ARL13B: variants seen among roughly 807,000 people sequenced by gnomAD.
ARL13B encodes the protein ARF like GTPase 13B.
A neutral mutation model predicts 56.1 loss-of-function variants in ARL13B; 36 were observed. That is an observed-to-expected ratio of 0.64 (90% CI 0.49 to 0.85). ARL13B has a LOEUF of 0.85. ARL13B is among the 40% of genes least tolerant of loss of function. The pLI, the probability that ARL13B is intolerant of heterozygous loss-of-function variation, is 0.00. For missense variants in ARL13B, 519 were observed against 507.1 expected, an observed-to-expected ratio of 1.02 and a Z score of -0.23; for synonymous variants, 178 against 171.1, an observed-to-expected ratio of 1.04 and a Z score of -0.32.
chr3:93,983,360 T>C (rs190618071), intron 1 of ARL13B, among the ~76,000 whole-genome samples: 2 of 152,338 alleles, frequency 1.3e-5, no homozygotes, highest in East Asian at 3.9e-4. Context: ...CCCCACTTAT[T>C]TGGGGTTTGG....
intron 7 of ARL13B, 122 bp downstream of exon 7, chr3:94,043,362 G>A (rs1289604150): frequency 5.6e-6 from 5 of 894,178 alleles, no homozygotes; most frequent in Non-Finnish European, 8.5e-6. Context: ...GTCTTCAAAT[G>A]CCATATTTAC....
intron 1 of ARL13B, among the ~76,000 whole-genome samples, chr3:93,991,007 A>G (rs1442080330): frequency 6.6e-6 from 1 of 152,082 alleles, no homozygotes; most frequent in Non-Finnish European, 1.5e-5. Flanking sequence ...AACATTTTAA[A>G]CTTTCATAGT....
At chr3:94,046,079 A>T (rs1403109425) in intron 7 of ARL13B, among the ~76,000 whole-genome samples, 1 of 152,080 alleles carries the variant, frequency 6.6e-6, no homozygotes, top group Non-Finnish European at 1.5e-5. Flanking sequence ...CTAGAAATAG[A>T]TCCCCAAAAT....
intron 1 of ARL13B, among the ~76,000 whole-genome samples, chr3:93,990,257 G>A (rs375403949): frequency 5.9e-5 from 9 of 152,120 alleles, no homozygotes; most frequent in East Asian, 1.9e-4. Flanking sequence ...ATCCACCTGC[G>A]TTGGCATCCC....
At chr3:94,036,327 A>G (rs2076766789) in intron 4 of ARL13B, among the ~76,000 whole-genome samples, 1 of 152,146 alleles carries the variant, frequency 6.6e-6, no homozygotes, top group Admixed American at 6.5e-5. Context: ...CCTCTTCTTT[A>G]TAATATCTTA....
Position 94,050,818 on chromosome 3 carries a change from C to A in ARL13B, c.1142-6C>A, listed in dbSNP as rs953131385. The A allele has an allele frequency of 3.1e-6, 5 of 1,610,748 alleles. No homozygotes were observed. In the African/African-American group the frequency reaches 5.3e-5, roughly 17 times the overall value. ...GTGTTTTTTAAATGTTTTTCTTTTT[C>A]TTTAGTTGGCTGGGGAACCCCTAAA... is the stretch of plus-strand genomic sequence containing the variant. On this transcript the variant is annotated splice_polypyrimidine_tract_variant and splice_region_variant and intron_variant, in intron 8 of 9. Coordinates refer to ENST00000394222, the MANE Select transcript of ARL13B (RefSeq NM_001174150.2).
rs186167230 is a variant in ARL13B, at chr3:94,024,019, A to C, written c.381-11312A>C. Among the ~76,000 whole-genome samples the C allele has an allele frequency of 2.6e-5, 4 of 152,344 alleles. No individual in the cohort carries two copies. The East Asian group carries it at 7.7e-4, about 29-fold the overall frequency. On this transcript the variant is annotated intron_variant, in intron 3 of 9. Coordinates refer to ENST00000394222, the MANE Select transcript of ARL13B (RefSeq NM_001174150.2). ...AATATTGCATTTTATATTTGGTACTATATGGAGATTGATATTCTTATATTT... is the reference window on the plus strand; with the variant it reads ...AATATTGCATTTTATATTTGGTACTCTATGGAGATTGATATTCTTATATTT...
chr3:93,990,391 A>G (rs1235446400), intron 1 of ARL13B, among the ~76,000 whole-genome samples: 2 of 150,994 alleles, frequency 1.3e-5, no homozygotes, highest in African/African-American at 4.9e-5. Flanking sequence ...GAATATTTGC[A>G]TATATATATA....
intron 2 of ARL13B, among the ~76,000 whole-genome samples, chr3:93,996,978 A>G (rs1047744624): frequency 3.3e-5 from 5 of 152,070 alleles, no homozygotes; most frequent in African/African-American, 1.2e-4. Context: ...TCTTAGGACC[A>G]TGAACCCTAT....
Position 93,980,220 on chromosome 3 carries a change from C to T in ARL13B, c.-204C>T, listed in dbSNP as rs926626177. 6 of 718,614 alleles carry T rather than the reference C, an allele frequency of 8.3e-6. No homozygotes were observed. Among genetic ancestry groups the T allele is most frequent in the Admixed American group, 4.0e-5 (2 of 49,972 alleles). 44.5% of individuals were successfully genotyped at this position (718,614 alleles called of 1,614,324 possible). On this transcript the variant is annotated 5_prime_UTR_variant, in exon 1 of 10. Coordinates refer to ENST00000394222, the MANE Select transcript of ARL13B (RefSeq NM_001174150.2). ...ATCTGCGTCTTTGGTCAGGTTGTTC[C>T]TTGGCTAAGAGGGCAGTCGTCGCGG... is the stretch of plus-strand genomic sequence containing the variant.
chr3:94,023,206 C>G (rs1198557487), intron 3 of ARL13B, among the ~76,000 whole-genome samples: 3 of 152,042 alleles, frequency 2.0e-5, no homozygotes, highest in Non-Finnish European at 4.4e-5. Context: ...ACTATATTTT[C>G]TGTGGATATA....
intron 1 of ARL13B, among the ~76,000 whole-genome samples, chr3:93,984,357 A>G (rs1308636964): frequency 1.4e-4 from 1 of 7,112 alleles, no homozygotes; most frequent in Non-Finnish European, 4.5e-4. Flanking sequence ...CTCTTGTCTA[A>G]AAAAAAAAAA....
At chr3:94,003,574 C>A in intron 2 of ARL13B, 85 bp from the exon 3 acceptor site, 1 of 1,458,310 alleles carries the variant, frequency 6.9e-7, no homozygotes, top group Non-Finnish European at 9.5e-7. Context: ...AAATATTTCA[C>A]TTGGGTGCTA....
At chr3:94,043,534 G>GA (rs2076902213) in intron 7 of ARL13B, among the ~76,000 whole-genome samples, 1 of 13,356 alleles carries the variant, frequency 7.5e-5, no homozygotes, top group Non-Finnish European at 1.5e-4. Context: ...CCTTGGAATA[G>GA]CCCTCCCCCT....
intron 4 of ARL13B, among the ~76,000 whole-genome samples, 179 bp from the exon 5 acceptor site, chr3:94,036,373 G>T (rs1053889045): frequency 7.9e-5 from 12 of 152,024 alleles, no homozygotes; most frequent in South Asian, 2.1e-4. Context: ...AATATTTTAA[G>T]TTCTATATAC....
intron 1 of ARL13B, among the ~76,000 whole-genome samples, chr3:93,981,702 C>T (rs958393836): frequency 3.3e-5 from 5 of 151,626 alleles, no homozygotes; most frequent in Non-Finnish European, 7.4e-5. Context: ...GTCAATATGG[C>T]GAAACCCCGT....
chr3:94,006,235 G>A (rs898280895), intron 3 of ARL13B, among the ~76,000 whole-genome samples: 1 of 152,116 alleles, frequency 6.6e-6, no homozygotes, highest in East Asian at 1.9e-4. Context: ...GGTGGAGGTT[G>A]CAGTGAGCCA....
rs146156792 is a variant in ARL13B, at chr3:94,047,240, T to C, written c.1025-2166T>C. On this transcript the variant is annotated intron_variant, in intron 7 of 9. Transcript: ENST00000394222. ...GAAAATAAGATTTCAATTCCTGAGATACAGATTAGCTAACATGGATATTTT... is the reference window on the plus strand; with the variant it reads ...GAAAATAAGATTTCAATTCCTGAGACACAGATTAGCTAACATGGATATTTT... 1.9e-3 allele frequency among the ~76,000 whole-genome samples: 287 copies of C among 152,332 alleles called. 1 individual carries two copies. Among genetic ancestry groups the C allele is most frequent in the Admixed American group, 4.2e-3 (65 of 15,308 alleles).
At chr3:93,981,038 A>T (rs1192156350) in intron 1 of ARL13B, among the ~76,000 whole-genome samples, 1 of 152,196 alleles carries the variant, frequency 6.6e-6, no homozygotes, top group African/African-American at 2.4e-5. Flanking sequence ...AGAACAAGTG[A>T]TAGTGTTTTC....
Sources: allele counts gnomAD v4.1 joint callset (sites outside exome capture counted in the v4.1 genomes callset), GRCh38; gene constraint gnomAD v4.1.1; transcripts MANE v1.5; gene names NCBI Gene and HGNC (gene_info 2026-07-23, HGNC 2026-07-21).